SLX9: variants seen among roughly 807,000 people sequenced by gnomAD.
The protein encoded by SLX9 is ribosome biogenesis protein SLX9 homolog.
A neutral mutation model predicts 20.8 loss-of-function variants in SLX9; 19 were observed. The observed-to-expected ratio is 0.91, with a 90% CI of 0.64 to 1.34. The LOEUF (loss-of-function observed/expected upper bound fraction) is 1.34, where lower values mean the gene tolerates loss of function less well. SLX9 is among the 40% of genes most tolerant of loss of function. The pLI is 0.00. For synonymous variants in SLX9, 113 were observed against 137.1 expected, an observed-to-expected ratio of 0.82 and a Z score of 1.23; for missense variants, 299 against 322.2, an observed-to-expected ratio of 0.93 and a Z score of 0.55.
intron 3 of SLX9, among the ~76,000 whole-genome samples, chr21:44,961,994 T>C (rs1414205026): frequency 6.6e-6 from 1 of 152,244 alleles, no homozygotes; most frequent in African/African-American, 2.4e-5. Context: ...GGGAATACCC[T>C]GTACCCACCA....
At chr21:44,946,269 T>C (rs920329926) in intron 2 of SLX9, among the ~76,000 whole-genome samples, 2 of 150,306 alleles carry the variant, frequency 1.3e-5, no homozygotes, top group Non-Finnish European at 2.9e-5. Flanking sequence ...CACATACCCT[T>C]ATTTGTGCAT....
At chr21:44,944,785 C>T (rs1256541570) in intron 2 of SLX9, among the ~76,000 whole-genome samples, 1 of 152,210 alleles carries the variant, frequency 6.6e-6, no homozygotes, top group Admixed American at 6.5e-5. Context: ...TGTAGATGGC[C>T]CGTTAAGATC....
chr21:44,974,421 C>A (rs955022657), intron 5 of SLX9, among the ~76,000 whole-genome samples: 4 of 152,156 alleles, frequency 2.6e-5, no homozygotes, highest in Non-Finnish European at 5.9e-5. Flanking sequence ...TCTTCAGGGG[C>A]ACCAATTATG....
At chr21:44,963,880 T>C (rs1216080336) in intron 3 of SLX9, among the ~76,000 whole-genome samples, 2 of 152,268 alleles carry the variant, frequency 1.3e-5, no homozygotes, top group African/African-American at 4.8e-5. Flanking sequence ...GAGGTTGTTT[T>C]GGATATTCTA....
At chr21:44,947,348 C>G (rs562035463) in intron 2 of SLX9, among the ~76,000 whole-genome samples, 3 of 152,332 alleles carry the variant, frequency 2.0e-5, no homozygotes, top group African/African-American at 7.2e-5. Context: ...ATCGTCCGTG[C>G]CCTGCCTGAG....
At chr21:44,969,067 A>G (rs2123448825) in intron 4 of SLX9, 1 of 439,958 alleles carries the variant, frequency 2.3e-6, no homozygotes, top group African/African-American at 2.0e-5. Flanking sequence ...TTTGCTGTTT[A>G]AAAAATAATT....
chr21:44,942,759 T>G (rs1038184503), intron 1 of SLX9, among the ~76,000 whole-genome samples: 8 of 152,140 alleles, frequency 5.3e-5, no homozygotes, highest in African/African-American at 1.9e-4. Flanking sequence ...CGGAGGTGGT[T>G]GTGGAAAACT....
intron 2 of SLX9, chr21:44,959,318 C>T: frequency 4.2e-6 from 4 of 954,188 alleles, no homozygotes; most frequent in Non-Finnish European, 5.0e-6. Context: ...GAGGCTGAAC[C>T]GTCTCGGGAA....
chr21:44,949,208 G>A (rs111812234), intron 2 of SLX9, among the ~76,000 whole-genome samples: 13 of 152,226 alleles, frequency 8.5e-5, no homozygotes, highest in Non-Finnish European at 1.8e-4. Flanking sequence ...GCTTGCTCCC[G>A]CTCCTGCTGG....
In SLX9 at chr21:44,967,192, G is replaced by A. The variant is rs142454716; in HGVS notation, c.500+11G>A. On this transcript the variant is annotated intron_variant, in intron 4 of 5. Coordinates refer to ENST00000291634, the MANE Select transcript of SLX9 (RefSeq NM_058190.4). ...GCGCCAAGCCCGCAGGTGAGTGTCCGGGAGGGGTGGCCCTTTCCGAGCTGT... is the reference window on the plus strand; with the variant it reads ...GCGCCAAGCCCGCAGGTGAGTGTCCAGGAGGGGTGGCCCTTTCCGAGCTGT... 295 of 1,560,848 alleles carry A rather than the reference G, an allele frequency of 1.9e-4. No homozygotes were observed. The East Asian group carries it at 5.4e-3, about 29-fold the overall frequency.
In SLX9 at chr21:44,940,138, G is replaced by GC; in HGVS notation, c.86dup (p.Ala30CysfsTer52). On this transcript the variant is annotated frameshift_variant, in exon 1 of 6. Coordinates refer to ENST00000291634, the MANE Select transcript of SLX9 (RefSeq NM_058190.4). LOFTEE classifies it high-confidence loss of function. ...AAGGGGAGGCCGCCCCCGGCCCCGC[G>GC]CCCCCTGCCCCGGAGGCGACCCCTC... The GC allele has an allele frequency of 1.5e-6, 2 of 1,334,862 alleles. No homozygotes were observed. Among genetic ancestry groups the GC allele is most frequent in the South Asian group, 2.1e-5 (1 of 48,702 alleles). The allele number at this position is 1,334,862 out of a possible 1,614,324, so 82.7% of individuals were successfully genotyped here.
rs116752292 is a variant in SLX9, at chr21:44,947,540, C to T, written c.283+3703C>T. 5.2e-3 allele frequency among the ~76,000 whole-genome samples: 692 copies of T among 134,054 alleles called. 5 individuals are homozygous for T. The highest frequency in any genetic ancestry group is 0.026 in the African/African-American group (648 of 25,318). The allele number at this position is 134,054 out of a possible 152,430, so 87.9% of individuals were successfully genotyped here. On this transcript the variant is annotated intron_variant, in intron 2 of 5. Transcript: ENST00000291634. The stretch of plus-strand genomic sequence containing the variant: ...CCTGTGACTGACAAGTTCGTGGCAT[C>T]GTTCCTATCCTGTGACTGACAAGTT...
chr21:44,954,662 C>T (rs1028375795), intron 2 of SLX9, among the ~76,000 whole-genome samples: 2 of 152,144 alleles, frequency 1.3e-5, no homozygotes, highest in African/African-American at 4.8e-5. Flanking sequence ...TGGTGCTCTG[C>T]GTCTCAGTGT....
At position 44,947,242 on chromosome 21, in the gene SLX9, C is replaced by T. The variant is rs1489617205; in HGVS notation, c.283+3405C>T. Among the ~76,000 whole-genome samples the T allele has an allele frequency of 2.0e-5, 3 of 152,238 alleles. No individual in the cohort carries two copies. The East Asian group carries it at 5.8e-4, about 29-fold the overall frequency. ...CTGCATCCTGTGACTTGGCCGCCAC[C>T]CTTCAATGACCCGCCTGGCTATGGA... On this transcript the variant is annotated intron_variant, in intron 2 of 5. Coordinates refer to ENST00000291634, the MANE Select transcript of SLX9 (RefSeq NM_058190.4).
chr21:44,956,459 C>T (rs1448796915), intron 2 of SLX9, among the ~76,000 whole-genome samples: 3 of 152,170 alleles, frequency 2.0e-5, no homozygotes, highest in East Asian at 3.9e-4. Flanking sequence ...GAAGGCGTGG[C>T]GAGAAGAACC....
chr21:44,961,602 A>G (rs1434853802), intron 3 of SLX9, among the ~76,000 whole-genome samples: 3 of 152,210 alleles, frequency 2.0e-5, no homozygotes, highest in Non-Finnish European at 2.9e-5. Flanking sequence ...AATGTTAATG[A>G]TCAAATTTAG....
chr21:44,961,303 G>A (rs1302398059), intron 3 of SLX9, among the ~76,000 whole-genome samples: 1 of 152,134 alleles, frequency 6.6e-6, no homozygotes, highest in African/African-American at 2.4e-5. Flanking sequence ...ATTTGTCTGA[G>A]GATGGTGTCT....
intron 2 of SLX9, among the ~76,000 whole-genome samples, chr21:44,949,178 C>T (rs1042476205): frequency 4.6e-5 from 7 of 152,166 alleles, no homozygotes; most frequent in East Asian, 1.9e-4. Context: ...GCCAGGGTCC[C>T]GAGCCCCGAC....
Position 44,973,205 on chromosome 21 carries a change from G to C in SLX9, c.509G>C (p.Ser170Thr). The C allele has an allele frequency of 1.2e-6, 2 of 1,613,144 alleles. No individual in the cohort carries two copies. The highest frequency in any genetic ancestry group is 1.7e-6 in the Non-Finnish European group (2 of 1,179,764). The change falls in exon 5 of 6, where the codon AGC becomes ACC. Residue 170 changes from serine (S) to threonine (T), a missense_variant. By Grantham distance (58) the Ser-to-Thr change is moderately conservative. Coordinates refer to ENST00000291634, the MANE Select transcript of SLX9 (RefSeq NM_058190.4). ...GSRRQARSRE[S>T]NKPRPSELSR... is the part of the protein sequence containing the mutation. ...CTTCTCTGTGTCCACAGCAGGGAGA[G>C]CAACAAGCCCCGGCCCTCAGAGCTC... is the stretch of plus-strand genomic sequence containing the variant.
Sources: allele counts gnomAD v4.1 joint callset (sites outside exome capture counted in the v4.1 genomes callset), GRCh38; gene constraint gnomAD v4.1.1; transcripts MANE v1.5; gene names NCBI Gene and HGNC (gene_info 2026-07-23, HGNC 2026-07-21).